DFFA: variants seen among roughly 807,000 people sequenced by gnomAD.
DFFA encodes the protein DNA fragmentation factor subunit alpha, also known as DFF45.
A neutral mutation model predicts 28.0 loss-of-function variants in DFFA; 14 were observed. The ratio of observed to expected loss-of-function variants is 0.50; its 90% CI spans 0.33 to 0.78. The LOEUF (loss-of-function observed/expected upper bound fraction) is 0.78, where lower values mean the gene tolerates loss of function less well. DFFA is among the 30% of genes least tolerant of loss of function. DFFA has a pLI of 0.02. For missense variants in DFFA, 395 were observed against 407.1 expected (o/e 0.97, Z 0.26); for synonymous variants, 158 against 170.3 (o/e 0.93, Z 0.56).
chr1:10,461,860 CTTTTTGT>C (rs893232096), intron 5 of DFFA, 158 bp from the exon 6 acceptor site: 1 of 985,230 alleles, frequency 1.0e-6, no homozygotes, highest in Non-Finnish European at 1.2e-6. Context: ...TTGCCACGGG[CTTTTTGT>C]TTTTTGAGAC....
intron 3 of DFFA, among the ~76,000 whole-genome samples, chr1:10,466,483 C>G (rs933710639): frequency 6.6e-6 from 1 of 152,030 alleles, no homozygotes; most frequent in Non-Finnish European, 1.5e-5. Flanking sequence ...GCCACTGCAC[C>G]TGGCCTATCC....
At chr1:10,463,688 C>T (rs530138238) in intron 3 of DFFA, 68 bp from the exon 4 acceptor site, 69 of 1,462,898 alleles carry the variant, frequency 4.7e-5, no homozygotes, top group South Asian at 1.3e-4. Context: ...TTTTTTGAGA[C>T]GGAGTCTGCT....
chr1:10,460,090 C>CA lies in DFFA; in HGVS notation c.*1399dup, dbSNP rs1425753259. ...CAAAACCCTGTCTCTACTAAAAATACAAAAATTAGCCGGGCATGGTGGCAC... is the reference window on the plus strand; with the variant it reads ...CAAAACCCTGTCTCTACTAAAAATACAAAAAATTAGCCGGGCATGGTGGCAC... On this transcript the variant is annotated 3_prime_UTR_variant, in exon 6 of 6. Transcript: ENST00000377038. 6.6e-6 allele frequency: 1 copy of CA among 150,810 alleles called. No homozygotes were observed. Among genetic ancestry groups the CA allele is most frequent in the Non-Finnish European group, 1.5e-5 (1 of 67,778 alleles). The allele number at this position is 150,810 out of a possible 1,614,324, so 9.3% of individuals were successfully genotyped here. A position where few individuals can be genotyped will look rare whatever the true frequency, so the allele number is the denominator to read the frequency against.
At chr1:10,465,968 T>A in intron 3 of DFFA, among the ~76,000 whole-genome samples, 1 of 147,840 alleles carries the variant, frequency 6.8e-6, no homozygotes. Context: ...GCACCTGGCC[T>A]ACAAAAATTA....
chr1:10,472,514 G>T lies in DFFA; in HGVS notation c.-56C>A, dbSNP rs1036024566. ...AGAAGTCGCGGGAGGCCGGAGCGGC[G>T]GTCCTTCTACTCGACCCCCTTCCGC... is the stretch of plus-strand genomic sequence containing the variant. On this transcript the variant is annotated 5_prime_UTR_variant, in exon 1 of 6. Coordinates refer to ENST00000377038, the MANE Select transcript of DFFA (RefSeq NM_004401.3). The surrounding 1 kb of genome is among the most constrained non-coding windows in gnomAD (Gnocchi z 5.0). 2 of 1,539,080 alleles carry T rather than the reference G, an allele frequency of 1.3e-6. No homozygotes were observed. Among genetic ancestry groups the T allele is most frequent in the Non-Finnish European group, 1.8e-6 (2 of 1,135,146 alleles).
At chr1:10,471,328 C>T (rs546614077) in intron 1 of DFFA, among the ~76,000 whole-genome samples, 34 of 152,216 alleles carry the variant, frequency 2.2e-4, no homozygotes, top group African/African-American at 7.9e-4. Context: ...TTGTCTACCA[C>T]CCAATAGAAC....
In DFFA at chr1:10,461,188, G is replaced by T; in HGVS notation, c.*302C>A. The T allele has an allele frequency of 3.4e-6, 1 of 294,668 alleles. No individual in the cohort carries two copies. The highest frequency in any genetic ancestry group is 6.5e-6 in the Non-Finnish European group (1 of 153,582). 18.3% of individuals were successfully genotyped at this position (294,668 alleles called of 1,614,324 possible). A position where few individuals can be genotyped will look rare whatever the true frequency, so the allele number is the denominator to read the frequency against. ...GCCTCCCAGTGCTGGGATTACAGGCGTGAGCCACTGCGCCTGGCCAATCAC... is the reference window on the plus strand; with the variant it reads ...GCCTCCCAGTGCTGGGATTACAGGCTTGAGCCACTGCGCCTGGCCAATCAC... On this transcript the variant is annotated 3_prime_UTR_variant, in exon 6 of 6. Transcript: ENST00000377038.
intron 3 of DFFA, among the ~76,000 whole-genome samples, chr1:10,465,582 G>C (rs946310149): frequency 6.6e-6 from 1 of 151,880 alleles, no homozygotes; most frequent in Non-Finnish European, 1.5e-5. Flanking sequence ...TAGTAAAGAC[G>C]GGGTTTCACC....
rs5772416 is a variant in DFFA at position 10,458,534 on chromosome 1, A to ATTTTTTTTTTTTTTTTTTTTTTTTTT, written c.*2955_*2956insAAAAAAAAAAAAAAAAAAAAAAAAAA. ...CATCTTTACCCTAGGACTTATTGTGATTTTCTTTTTTTTTTTTTTTTAAAG... is the reference window on the plus strand; with the variant it reads ...CATCTTTACCCTAGGACTTATTGTGATTTTTTTTTTTTTTTTTTTTTTTTTTTTTTCTTTTTTTTTTTTTTTTAAAG... On this transcript the variant is annotated 3_prime_UTR_variant, in exon 6 of 6. Coordinates refer to ENST00000377038, the MANE Select transcript of DFFA (RefSeq NM_004401.3). The ATTTTTTTTTTTTTTTTTTTTTTTTTT allele has an allele frequency of 2.2e-5, 3 of 134,662 alleles. 1 individual carries two copies. The highest frequency in any genetic ancestry group is 4.6e-5 in the Non-Finnish European group (3 of 64,534). 8.3% of individuals were successfully genotyped at this position (134,662 alleles called of 1,614,324 possible).
At chr1:10,465,226 C>G (rs1385838109) in intron 3 of DFFA, among the ~76,000 whole-genome samples, 2 of 152,204 alleles carry the variant, frequency 1.3e-5, no homozygotes, top group Admixed American at 1.3e-4. Context: ...TCCTGAGTAG[C>G]TGGGACTACA....
rs571534065 is a variant in DFFA, at chr1:10,462,701, G to A, written c.783+357C>T. On this transcript the variant is annotated intron_variant, in intron 5 of 5. Coordinates refer to ENST00000377038, the MANE Select transcript of DFFA (RefSeq NM_004401.3). ...GATCCCCTCAAGTTTGCCTTTTCCT[G>A]TGACATTGACAGACCTCAGGACGGA... 4.7e-6 allele frequency: 5 copies of A among 1,055,542 alleles called. No individual in the cohort carries two copies. The South Asian group carries it at 1.9e-4, about 40-fold the overall frequency. The allele number at this position is 1,055,542 out of a possible 1,614,324, so 65.4% of individuals were successfully genotyped here.
chr1:10,464,104 T>G (rs1166581520), intron 3 of DFFA, among the ~76,000 whole-genome samples: 1 of 151,732 alleles, frequency 6.6e-6, no homozygotes, highest in Non-Finnish European at 1.5e-5. Flanking sequence ...TAATTTTTTT[T>G]TTTTTTGAGA....
chr1:10,462,917 C>T (rs993928494), intron 5 of DFFA, 141 bp downstream of exon 5: 1 of 1,474,244 alleles, frequency 6.8e-7, no homozygotes, highest in Non-Finnish European at 9.0e-7. Flanking sequence ...TTGCAAATGC[C>T]TTGGCATATA....
In DFFA at chr1:10,461,058, G is replaced by A. The variant is rs182037207; in HGVS notation, c.*432C>T. 2.1e-4 allele frequency: 33 copies of A among 156,484 alleles called. No individual in the cohort carries two copies. Among genetic ancestry groups the A allele is most frequent in the East Asian group, 9.2e-4 (5 of 5,420 alleles). The allele number at this position is 156,484 out of a possible 1,614,324, so 9.7% of individuals were successfully genotyped here. ...CAAGTAGCTGGGATTACAGGCGCCCGCCACCATGGCTGGCTAATTTTTTTT... is the reference window on the plus strand; with the variant it reads ...CAAGTAGCTGGGATTACAGGCGCCCACCACCATGGCTGGCTAATTTTTTTT... On this transcript the variant is annotated 3_prime_UTR_variant, in exon 6 of 6. Coordinates refer to ENST00000377038, the MANE Select transcript of DFFA (RefSeq NM_004401.3).
chr1:10,462,852 G>A (rs746959107), intron 5 of DFFA: 86 of 1,410,006 alleles, frequency 6.1e-5, no homozygotes, highest in Non-Finnish European at 7.7e-5. Flanking sequence ...TTGATGATCT[G>A]AGGAAGTGTA....
rs1167923816 is a variant in DFFA, at chr1:10,457,499, C to A, written c.*3991G>T. On this transcript the variant is annotated 3_prime_UTR_variant, in exon 6 of 6. Transcript: ENST00000377038. ...ACCAGTCTAGCCAACATGGTGAAAC[C>A]CTGTGTCTACTAAAAATACCAAAAA... 6.6e-6 allele frequency: 1 copy of A among 151,926 alleles called. No homozygotes were observed. The highest frequency in any genetic ancestry group is 1.5e-5 in the Non-Finnish European group (1 of 68,040). 9.4% of individuals were successfully genotyped at this position (151,926 alleles called of 1,614,324 possible).
rs1412146877 is a variant in DFFA, at chr1:10,463,420, G to C, written c.631+11C>G. ...AATTCTCAGAGTGACTCTGCCTGCA[G>C]AGAGTCCTACCTTCCTGCTTTGACA... On this transcript the variant is annotated intron_variant, in intron 4 of 5. Transcript: ENST00000377038. The C allele has an allele frequency of 1.2e-6, 2 of 1,603,260 alleles. No individual in the cohort carries two copies. The highest frequency in any genetic ancestry group is 1.1e-5 in the South Asian group (1 of 89,254).
In DFFA at chr1:10,463,097, C is replaced by T. The variant is rs201991921; in HGVS notation, c.744G>A (p.Lys248=). ...TAGATAAGCTCAGCTCTGGAGCCTG[C>T]TTCTCCCTCAGTGCAGTAAGGATGT... ...ASHILTALRE[K]QAPELSLSSQ... is the part of the protein sequence containing the mutation. The change falls in exon 5 of 6, where the codon AAG becomes AAA. Residue 248 remains lysine, a synonymous_variant. Transcript: ENST00000377038. 1.1e-4 allele frequency: 171 copies of T among 1,614,030 alleles called. No homozygotes were observed. The highest frequency in any genetic ancestry group is 1.3e-4 in the Non-Finnish European group (150 of 1,180,028).
Position 10,469,722 on chromosome 1 carries a change from T to C in DFFA, c.137-384A>G, listed in dbSNP as rs150212842. Among the ~76,000 whole-genome samples, 1,140 of 152,270 alleles carry C rather than the reference T, an allele frequency of 7.5e-3. 18 individuals carry two copies. The highest frequency in any genetic ancestry group is 0.026 in the African/African-American group (1,088 of 41,542). On this transcript the variant is annotated intron_variant, in intron 1 of 5. Transcript: ENST00000377038. ...TTTTAGTAGAGACGTGGTTTCACCA[T>C]GTTGACCAGGCTGGTCTCGAACTCC...
Sources: allele counts gnomAD v4.1 joint callset (sites outside exome capture counted in the v4.1 genomes callset), GRCh38; gene constraint gnomAD v4.1.1; non-coding constraint Gnocchi (gnomAD v3.1); transcripts MANE v1.5; gene names NCBI Gene and HGNC (gene_info 2026-07-23, HGNC 2026-07-21).